Variants in MLXIPL observed in about 807,000 individuals in gnomAD.
MLXIPL encodes carbohydrate-responsive element-binding protein.
A neutral mutation model predicts 81.5 loss-of-function variants in MLXIPL; 49 were observed. The observed-to-expected ratio is 0.60, with a 90% confidence interval of 0.48 to 0.76. The LOEUF is 0.76. Ranked by LOEUF, MLXIPL falls within the 30% of genes least tolerant of loss-of-function variation. The pLI, the probability that MLXIPL is intolerant of heterozygous loss-of-function variation, is 0.00. For missense variants in MLXIPL, 1,053 were observed against 1,167.0 expected (o/e 0.90, Z 1.42); for synonymous variants, 466 against 485.5 (o/e 0.96, Z 0.53).
At chr7:73,613,992 C>T (rs142472249) in intron 2 of MLXIPL, among the ~76,000 whole-genome samples, 12 of 152,240 alleles carry the variant, frequency 7.9e-5, no homozygotes, top group African/African-American at 2.4e-4. Context: ...CAAAATTTGG[C>T]GGGTGCCTGT....
At chr7:73,629,498 G>A (rs1326494691), upstream of MLXIPL, among the ~76,000 whole-genome samples, 1 of 152,166 alleles carries the variant, frequency 6.6e-6, no homozygotes, top group Non-Finnish European at 1.5e-5. Flanking sequence ...ACTTTGAGAG[G>A]CCAAGGGGAG....
At chr7:73,634,587 T>G in the MLXIPL span, among the ~76,000 whole-genome samples, 2 of 151,784 alleles carry the variant, frequency 1.3e-5, no homozygotes, top group Non-Finnish European at 2.9e-5. Flanking sequence ...AGATGGGGTT[T>G]CATCATGTTG....
chr7:73,607,630 G>C lies in MLXIPL; in HGVS notation c.443C>G (p.Pro148Arg). The change falls in exon 3 of 17, where the codon CCC becomes CGC. Residue 148 changes from proline to arginine, a missense_variant. Pro to Arg is a moderately radical substitution (Grantham distance 103). Transcript: ENST00000313375. The stretch of plus-strand genomic sequence containing the variant: ...CGCATCAGCCTCAGGCCCCTGCAGG[G>C]GGGTCACGAAGCCACACACGGGGCT... ...RKSPVCGFVT[P>R]LQGPEADAHR... The C allele has an allele frequency of 1.2e-6, 2 of 1,613,486 alleles. No individual in the cohort carries two copies. Among genetic ancestry groups the C allele is most frequent in the Non-Finnish European group, 1.7e-6 (2 of 1,180,004 alleles).
the MLXIPL span, among the ~76,000 whole-genome samples, chr7:73,636,939 A>G: frequency 6.6e-6 from 1 of 151,888 alleles, no homozygotes; most frequent in African/African-American, 2.4e-5. Flanking sequence ...GGATGCCTGT[A>G]ATCCCAGCTA....
Position 73,595,824 on chromosome 7 carries a change from C to G in MLXIPL, c.2186+18G>C, listed in dbSNP as rs375219519. On this transcript the variant is annotated intron_variant, in intron 14 of 16. Transcript: ENST00000313375. ...GGCATGGCCCCCTGGTCCCAGCACCCGCCTGGACCCTGCCTACTTAATGGC... is the reference window on the plus strand; with the variant it reads ...GGCATGGCCCCCTGGTCCCAGCACCGGCCTGGACCCTGCCTACTTAATGGC... 6.3e-7 allele frequency: 1 copy of G among 1,592,520 alleles called. No individual in the cohort carries two copies. Among genetic ancestry groups the G allele is most frequent in the Admixed American group, 1.8e-5 (1 of 56,226 alleles).
At position 73,605,920 on chromosome 7, in the gene MLXIPL, C is replaced by A. The variant is rs782536206; in HGVS notation, c.810G>T (p.Pro270=). 1 of 1,586,588 alleles carries A rather than the reference C, an allele frequency of 6.3e-7. No individual in the cohort carries two copies. The highest frequency in any genetic ancestry group is 1.8e-5 in the Admixed American group (1 of 55,350). ...TQSGPSPLQL[P]PEDAYVGNAD... ...TTCTCAGACCCTCACCATCCTCAGG[C>A]GGCAGCTGCAGGGGCGAAGGGCCGG... The change falls in exon 6 of 17, where the codon CCG becomes CCT. Residue 270 remains proline, a synonymous_variant. Coordinates refer to ENST00000313375, the MANE Select transcript of MLXIPL (RefSeq NM_032951.3).
At chr7:73,645,342 G>A in the MLXIPL span, among the ~76,000 whole-genome samples, 1 of 152,178 alleles carries the variant, frequency 6.6e-6, no homozygotes, top group Non-Finnish European at 1.5e-5. Context: ...GGCAGTAGTT[G>A]TCTGTCTCTT....
chr7:73,624,450 G>GGACCTGCAAGCCCGCGGCCA lies in MLXIPL; in HGVS notation c.23_42dup (p.Pro15TrpfsTer86), dbSNP rs1554603173. On this transcript the variant is annotated frameshift_variant, in exon 1 of 17. Transcript: ENST00000313375. LOFTEE classifies it high-confidence loss of function. ...GAGTCTGGGCTGGGCGCGACCCGCG[G>GGACCTGCAAGCCCGCGGCCA]GACCTGCAAGCCCGCGGCCAGACCT... The GGACCTGCAAGCCCGCGGCCA allele has an allele frequency of 6.4e-7, 1 of 1,552,868 alleles. No homozygotes were observed. The highest frequency in any genetic ancestry group is 1.4e-5 in the African/African-American group (1 of 72,842).
chr7:73,640,488 T>A, the MLXIPL span, among the ~76,000 whole-genome samples: 1 of 142,656 alleles, frequency 7.0e-6, no homozygotes, highest in African/African-American at 2.6e-5. Context: ...GTAGAATAGA[T>A]GATGGCGGCC....
In MLXIPL at chr7:73,597,192, C is replaced by A. The variant is rs782419145; in HGVS notation, c.1593G>T (p.Leu531=). ...GTTGCTGGCCCTCACCTGCTGTGAG[C>A]AGCTGTGTGAGGCAGGGGTTGTTGC... ...AGSNNPCLTQ[L]LTAAKPEQAL... The change falls in exon 9 of 17, where the codon CTG becomes CTT. Residue 531 remains leucine, a synonymous_variant. Transcript: ENST00000313375. 1.9e-6 allele frequency: 3 copies of A among 1,604,244 alleles called. No homozygotes were observed. Among genetic ancestry groups the A allele is most frequent in the South Asian group, 1.1e-5 (1 of 89,616 alleles).
intron 7 of MLXIPL, among the ~76,000 whole-genome samples, chr7:73,602,524 A>G (rs1794964893): frequency 6.6e-6 from 1 of 151,036 alleles, no homozygotes; most frequent in African/African-American, 2.4e-5. Context: ...AAAAAAAAAT[A>G]CAAAAATTAG....
rs1554598630 is a variant in MLXIPL at position 73,607,435 on chromosome 7, G to A, written c.484-15C>T. ...AGGACCACGGCCTGGGGTAGGGGCCGGGGGAGGGGGATCAGTAGAGAGGGG... is the reference window on the plus strand; with the variant it reads ...AGGACCACGGCCTGGGGTAGGGGCCAGGGGAGGGGGATCAGTAGAGAGGGG... On this transcript the variant is annotated splice_polypyrimidine_tract_variant and intron_variant, in intron 3 of 16. Coordinates refer to ENST00000313375, the MANE Select transcript of MLXIPL (RefSeq NM_032951.3). 4 of 1,548,392 alleles carry A rather than the reference G, an allele frequency of 2.6e-6. No individual in the cohort carries two copies. The South Asian group carries it at 3.6e-5, about 14-fold the overall frequency.
chr7:73,644,213 C>CTT, the MLXIPL span, among the ~76,000 whole-genome samples: 38 of 145,580 alleles, frequency 2.6e-4, no homozygotes, highest in Non-Finnish European at 3.0e-5. Flanking sequence ...CTGGTTTTGT[C>CTT]TTTTTTTTTT....
At chr7:73,602,211 C>CTCTT (rs10653440) in intron 7 of MLXIPL, among the ~76,000 whole-genome samples, 35,982 of 133,044 alleles carry the variant, frequency 0.27, 5,239 homozygotes, top group African/African-American at 0.35. Context: ...CTCTCTTTCT[C>CTCTT]TCTTTCTTTC....
At chr7:73,643,061 G>C in the MLXIPL span, among the ~76,000 whole-genome samples, 1 of 152,152 alleles carries the variant, frequency 6.6e-6, no homozygotes, top group Non-Finnish European at 1.5e-5. Flanking sequence ...CACAGTCAAA[G>C]ACCACAAATA....
chr7:73,601,770 G>A (rs1182049106), intron 7 of MLXIPL, among the ~76,000 whole-genome samples: 2 of 152,052 alleles, frequency 1.3e-5, no homozygotes, highest in Admixed American at 6.5e-5. Context: ...GAGCTCAAGC[G>A]ATCCTCCTGC....
At chr7:73,607,262 C>T (rs1418517029) in intron 4 of MLXIPL, 69 bp downstream of exon 4, 17 of 1,475,648 alleles carry the variant, frequency 1.2e-5, no homozygotes, top group Non-Finnish European at 1.5e-5. Flanking sequence ...CAGGGATCTT[C>T]CGAGGCGGGC....
At chr7:73,625,691 G>A (rs931585156), upstream of MLXIPL, among the ~76,000 whole-genome samples, 2 of 152,154 alleles carry the variant, frequency 1.3e-5, no homozygotes, top group Admixed American at 6.6e-5. Flanking sequence ...AGCCCAAGAG[G>A]TGGAGGTTGC....
At chr7:73,637,633 C>G in the MLXIPL span, among the ~76,000 whole-genome samples, 1 of 151,430 alleles carries the variant, frequency 6.6e-6, no homozygotes, top group South Asian at 2.1e-4. Flanking sequence ...TCCCCATTGC[C>G]CCGTTGTATA....
Sources: allele counts gnomAD v4.1 joint callset (sites outside exome capture counted in the v4.1 genomes callset), GRCh38; gene constraint gnomAD v4.1.1; transcripts MANE v1.5; gene names NCBI Gene and HGNC (gene_info 2026-07-23, HGNC 2026-07-21).